The following NTN1 variants were observed in gnomAD, a reference collection of about 807,000 sequenced individuals.
The protein encoded by NTN1 is netrin-1.
NTN1 carries 11 observed loss-of-function variants against 54.2 expected under a neutral mutation model. That is an observed-to-expected ratio of 0.20 (90% CI 0.13 to 0.34). NTN1 has a LOEUF of 0.34. NTN1 is among the 10% of genes least tolerant of loss of function. The pLI is 1.00. For missense variants in NTN1, 740 were observed against 893.1 expected (o/e 0.83, Z 2.18); for synonymous variants, 371 against 382.0 (o/e 0.97, Z 0.33).
At chr17:9,167,329 G>C (rs9901968) in intron 3 of NTN1, among the ~76,000 whole-genome samples, 1 of 152,008 alleles carries the variant, frequency 6.6e-6, no homozygotes, top group Non-Finnish European at 1.5e-5. Context: ...GGGCAAAGAC[G>C]ACCAAAGACG....
chr17:9,211,883 G>A lies in NTN1; in HGVS notation c.1412-9285G>A, dbSNP rs1392365560. On this transcript the variant is annotated intron_variant, in intron 5 of 6. Coordinates refer to ENST00000173229, the MANE Select transcript of NTN1 (RefSeq NM_004822.3). The surrounding 1 kb of genome is among the most constrained non-coding windows in gnomAD (Gnocchi z 4.4). ...TTTTGGTTGCTGTCTTTTTCTTAGT[G>A]ATTCAGAAGAGTTCTTTATATGTGA... 6.6e-6 allele frequency among the ~76,000 whole-genome samples: 1 copy of A among 152,168 alleles called. No individual in the cohort carries two copies. The highest frequency in any genetic ancestry group is 6.6e-5 in the Admixed American group (1 of 15,266).
chr17:9,139,277 C>T (rs2092290481), intron 2 of NTN1, among the ~76,000 whole-genome samples: 1 of 152,168 alleles, frequency 6.6e-6, no homozygotes, highest in Non-Finnish European at 1.5e-5. Context: ...TGTTGACCCG[C>T]TGTGGAGCAG....
intron 2 of NTN1, among the ~76,000 whole-genome samples, chr17:9,115,039 T>C (rs748247220): frequency 7.2e-5 from 11 of 151,778 alleles, no homozygotes; most frequent in Non-Finnish European, 1.5e-4. Flanking sequence ...GCTTGGAAGA[T>C]GGGGCAGGAT....
chr17:9,181,638 G>A (rs1349553754), intron 4 of NTN1, among the ~76,000 whole-genome samples: 1 of 152,160 alleles, frequency 6.6e-6, no homozygotes, highest in Admixed American at 6.5e-5. Context: ...GGATGCCTCC[G>A]GTGCCTCTCA....
rs1013749715 is a variant in NTN1 at position 9,211,387 on chromosome 17, C to T, written c.1412-9781C>T. Among the ~76,000 whole-genome samples the T allele has an allele frequency of 4.6e-5, 7 of 152,106 alleles. No individual in the cohort carries two copies. The highest frequency in any genetic ancestry group is 7.3e-5 in the Non-Finnish European group (5 of 68,032). On this transcript the variant is annotated intron_variant, in intron 5 of 6. Coordinates refer to ENST00000173229, the MANE Select transcript of NTN1 (RefSeq NM_004822.3). This position sits in a 1 kb window ranked among gnomAD's most constrained non-coding sequence, Gnocchi z 4.4. ...CCCACGCATTCCCTCCCAGTGTGCT[C>T]GGCTCACTGTCATCATTTCCTGAGT...
intron 2 of NTN1, among the ~76,000 whole-genome samples, chr17:9,151,947 C>T (rs896927508): frequency 6.6e-6 from 1 of 152,192 alleles, no homozygotes; most frequent in African/African-American, 2.4e-5. Context: ...CATCAATCAG[C>T]CCGAGTCTAA....
chr17:9,025,645 A>G (rs1169535917), intron 2 of NTN1, among the ~76,000 whole-genome samples: 1 of 152,242 alleles, frequency 6.6e-6, no homozygotes, highest in Non-Finnish European at 1.5e-5. Context: ...CCTTGTAGAT[A>G]TAGCTGGGAA....
At position 9,190,573 on chromosome 17, in the gene NTN1, C is replaced by T. The variant is rs1904424079; in HGVS notation, c.1411+7604C>T. 2.6e-5 allele frequency among the ~76,000 whole-genome samples: 4 copies of T among 152,128 alleles called. No individual in the cohort carries two copies. In the South Asian group the frequency reaches 8.3e-4, roughly 32 times the overall value. The stretch of plus-strand genomic sequence containing the variant: ...CTGAGTAGAAAGTCTAGAAACAGGC[C>T]AGGTGCAGTGGCTCACGCCTATAAT... On this transcript the variant is annotated intron_variant, in intron 5 of 6. Transcript: ENST00000173229.
At chr17:9,074,494 A>G (rs2092042786) in intron 2 of NTN1, among the ~76,000 whole-genome samples, 1 of 152,158 alleles carries the variant, frequency 6.6e-6, no homozygotes, top group Non-Finnish European at 1.5e-5. Flanking sequence ...CAAGTTCATG[A>G]CTTGTTGGCT....
chr17:9,190,317 C>G (rs960215439), intron 5 of NTN1, among the ~76,000 whole-genome samples: 2 of 152,206 alleles, frequency 1.3e-5, no homozygotes, highest in Non-Finnish European at 2.9e-5. Context: ...GTAAAGCTAT[C>G]AGTTCGCCCA....
intron 2 of NTN1, among the ~76,000 whole-genome samples, chr17:9,055,048 C>T (rs189257254): frequency 6.6e-6 from 1 of 152,106 alleles, no homozygotes; most frequent in East Asian, 1.9e-4. Context: ...GCGAACAGAG[C>T]GCCTCAGTAG....
At chr17:9,122,219 A>G (rs1387346839) in intron 2 of NTN1, among the ~76,000 whole-genome samples, 4 of 151,882 alleles carry the variant, frequency 2.6e-5, no homozygotes, top group African/African-American at 9.7e-5. Flanking sequence ...TTGTATGTTT[A>G]AAGACGGGGT....
At chr17:9,192,687 C>A (rs2142329117) in intron 5 of NTN1, among the ~76,000 whole-genome samples, 1 of 152,280 alleles carries the variant, frequency 6.6e-6, no homozygotes, top group South Asian at 2.1e-4. Context: ...CACATTCTCT[C>A]CAAAAGCATT....
At position 9,212,288 on chromosome 17, in the gene NTN1, C is replaced by A. The variant is rs1405417243; in HGVS notation, c.1412-8880C>A. ...GGCAAGTCACGAAGTCACCTGCAGC[C>A]TAGGACCAAGAGGTGAGAGCCAGCT... is the stretch of plus-strand genomic sequence containing the variant. On this transcript the variant is annotated intron_variant, in intron 5 of 6. Coordinates refer to ENST00000173229, the MANE Select transcript of NTN1 (RefSeq NM_004822.3). The surrounding 1 kb of genome is among the most constrained non-coding windows in gnomAD (Gnocchi z 5.5). Among the ~76,000 whole-genome samples the A allele has an allele frequency of 6.6e-6, 1 of 152,146 alleles. No homozygotes were observed. Among genetic ancestry groups the A allele is most frequent in the Non-Finnish European group, 1.5e-5 (1 of 68,032 alleles).
chr17:9,118,978 T>G (rs8071271), intron 2 of NTN1, among the ~76,000 whole-genome samples: 40,459 of 152,046 alleles, frequency 0.27, 5,979 homozygotes, highest in African/African-American at 0.39. Flanking sequence ...TGTGGACATG[T>G]GTTTTCATTT....
At chr17:9,119,787 T>C (rs967558135) in intron 2 of NTN1, among the ~76,000 whole-genome samples, 5 of 152,228 alleles carry the variant, frequency 3.3e-5, no homozygotes, top group Non-Finnish European at 7.3e-5. Flanking sequence ...CATGAGCCGC[T>C]GTGCCTGGCC....
At chr17:9,157,207 G>A (rs976707331) in intron 2 of NTN1, among the ~76,000 whole-genome samples, 1 of 152,244 alleles carries the variant, frequency 6.6e-6, no homozygotes, top group Non-Finnish European at 1.5e-5. Context: ...TGAGAGATTA[G>A]TCCCACTTGA....
chr17:9,008,278 C>G, the NTN1 span, among the ~76,000 whole-genome samples: 1 of 149,686 alleles, frequency 6.7e-6, no homozygotes, highest in Non-Finnish European at 1.5e-5. Flanking sequence ...TTTGCTGGTT[C>G]TAGGCAACTT....
At chr17:9,205,425 C>T (rs908038634) in intron 5 of NTN1, among the ~76,000 whole-genome samples, 5 of 152,196 alleles carry the variant, frequency 3.3e-5, no homozygotes, top group Admixed American at 1.3e-4. Flanking sequence ...CCTGAGACTT[C>T]GAGACCAGCC....
Sources: allele counts gnomAD v4.1 joint callset (sites outside exome capture counted in the v4.1 genomes callset), GRCh38; gene constraint gnomAD v4.1.1; non-coding constraint Gnocchi (gnomAD v3.1); transcripts MANE v1.5; gene names NCBI Gene and HGNC (gene_info 2026-07-23, HGNC 2026-07-21).